Variants in SCD5 observed in about 807,000 individuals in gnomAD.
The protein encoded by SCD5 is stearoyl-CoA desaturase 5.
SCD5 carries 20 observed loss-of-function variants against 30.4 expected under a neutral mutation model. The observed-to-expected ratio is 0.66, with a 90% CI of 0.46 to 0.96. The LOEUF (loss-of-function observed/expected upper bound fraction) is 0.96. Ranked by LOEUF, SCD5 falls within the 40% of genes least tolerant of loss-of-function variation. The pLI is 0.00. For synonymous variants in SCD5, 173 were observed against 176.4 expected (o/e 0.98, Z 0.16); for missense variants, 381 against 443.3 (o/e 0.86, Z 1.26).
At position 82,798,476 on chromosome 4, in the gene SCD5, C is replaced by G. The variant is rs763231348; in HGVS notation, c.62G>C (p.Arg21Pro). Residue 21 changes from arginine to proline, a missense_variant, in exon 1 of 5, where the codon CGT becomes CCT. Physicochemically the swap from Arg to Pro is moderately radical, Grantham distance 103. Coordinates refer to ENST00000319540, the MANE Select transcript of SCD5 (RefSeq NM_001037582.3). ...IPFCDAKEEIRAGLESSEGGG... is the reference protein window; with the variant it reads ...IPFCDAKEEIPAGLESSEGGG... ...GCCCTCAGAGCTTTCGAGCCCGGCA[C>G]GGATTTCTTCCTTGGCGTCGCAGAA... The G allele has an allele frequency of 2.0e-5, 32 of 1,612,582 alleles. No individual in the cohort carries two copies. The highest frequency in any genetic ancestry group is 1.0e-4 in the Admixed American group (6 of 59,914).
At chr4:82,712,523 G>A (rs1438744936) in intron 1 of SCD5, among the ~76,000 whole-genome samples, 1 of 150,492 alleles carries the variant, frequency 6.6e-6, no homozygotes, top group Admixed American at 6.6e-5. Context: ...TCACCATGTT[G>A]GCCAGGCTAG....
intron 1 of SCD5, among the ~76,000 whole-genome samples, chr4:82,798,086 C>CGGGGG (rs34694654): frequency 1.6e-5 from 2 of 124,052 alleles, no homozygotes; most frequent in African/African-American, 7.2e-5. Flanking sequence ...GGGGTGGGGG[C>CGGGGG]GGGGGGGGGG....
intron 1 of SCD5, among the ~76,000 whole-genome samples, chr4:82,797,130 G>T (rs1002620655): frequency 6.6e-6 from 1 of 152,142 alleles, no homozygotes. Flanking sequence ...AACCATAGTG[G>T]CCCCATTATC....
chr4:82,684,983 A>G (rs540614759), intron 2 of SCD5, among the ~76,000 whole-genome samples: 2 of 152,340 alleles, frequency 1.3e-5, no homozygotes, highest in South Asian at 4.1e-4. Flanking sequence ...AAGCTTAGAT[A>G]CTTAAACATT....
intron 2 of SCD5, among the ~76,000 whole-genome samples, chr4:82,681,348 C>T (rs1728568403): frequency 6.6e-6 from 1 of 152,094 alleles, no homozygotes; most frequent in Non-Finnish European, 1.5e-5. Context: ...AGGATGATTC[C>T]ATGTTGCTAT....
intron 2 of SCD5, among the ~76,000 whole-genome samples, chr4:82,689,640 A>G (rs559400329): frequency 6.6e-6 from 1 of 152,378 alleles, no homozygotes; most frequent in Admixed American, 6.5e-5. Flanking sequence ...GAGTCAGGCA[A>G]GAATCCCCAA....
intron 1 of SCD5, among the ~76,000 whole-genome samples, chr4:82,739,777 G>A (rs908422225): frequency 6.6e-6 from 1 of 152,224 alleles, no homozygotes; most frequent in Non-Finnish European, 1.5e-5. Flanking sequence ...GAAAAGCCAC[G>A]ATGAAAACTT....
At chr4:82,743,315 G>A (rs966789995) in intron 1 of SCD5, among the ~76,000 whole-genome samples, 19 of 152,138 alleles carry the variant, frequency 1.2e-4, no homozygotes, top group African/African-American at 4.6e-4. Flanking sequence ...TTCAAGACCA[G>A]CCTGGGCAAC....
chr4:82,794,630 T>C (rs926135183), intron 1 of SCD5, among the ~76,000 whole-genome samples: 3 of 152,124 alleles, frequency 2.0e-5, no homozygotes, highest in East Asian at 1.9e-4. Flanking sequence ...TTTCCTCTAG[T>C]TGGAGTTTGC....
chr4:82,790,701 C>G (rs1005916988), intron 1 of SCD5, among the ~76,000 whole-genome samples: 3 of 152,144 alleles, frequency 2.0e-5, no homozygotes. Flanking sequence ...GGTGCCAGCG[C>G]TTGGCAGGTA....
At chr4:82,747,069 G>GGGCCCCCCCCC (rs1553918953) in intron 1 of SCD5, among the ~76,000 whole-genome samples, 1 of 139,698 alleles carries the variant, frequency 7.2e-6, no homozygotes, top group Non-Finnish European at 1.6e-5. Flanking sequence ...TGGGCAACCT[G>GGGCCCCCCCCC]CCCCCCAAGA....
chr4:82,650,396 TA>T (rs964568357), intron 3 of SCD5, among the ~76,000 whole-genome samples: 1 of 152,118 alleles, frequency 6.6e-6, no homozygotes, highest in Non-Finnish European at 1.5e-5. Flanking sequence ...CCTTTTACAT[TA>T]AAAAAATATT....
At chr4:82,755,334 T>C (rs1204135817) in intron 1 of SCD5, among the ~76,000 whole-genome samples, 1 of 152,078 alleles carries the variant, frequency 6.6e-6, no homozygotes, top group Non-Finnish European at 1.5e-5. Context: ...ACCCAGTGTC[T>C]ACTAAAAATA....
intron 2 of SCD5, among the ~76,000 whole-genome samples, chr4:82,687,588 G>A (rs375949666): frequency 3.3e-5 from 5 of 152,054 alleles, no homozygotes; most frequent in Admixed American, 6.5e-5. Flanking sequence ...CCAATCACAC[G>A]TCAAGTGGTG....
At chr4:82,636,523 A>G (rs1263665120) in intron 4 of SCD5, 68 bp downstream of exon 4, 11 of 1,273,200 alleles carry the variant, frequency 8.6e-6, no homozygotes, top group Admixed American at 2.0e-5. Context: ...TGATTCCACA[A>G]AACTACTGAG....
At chr4:82,720,244 A>G (rs1039224685) in intron 1 of SCD5, among the ~76,000 whole-genome samples, 4 of 151,916 alleles carry the variant, frequency 2.6e-5, no homozygotes, top group African/African-American at 9.7e-5. Flanking sequence ...CTTGGGCAAC[A>G]TAGTGAGACA....
intron 3 of SCD5, among the ~76,000 whole-genome samples, chr4:82,642,493 A>G (rs1452018319): frequency 6.6e-6 from 1 of 152,124 alleles, no homozygotes; most frequent in African/African-American, 2.4e-5. Flanking sequence ...AAACTGAACC[A>G]CATACTGTCC....
intron 1 of SCD5, among the ~76,000 whole-genome samples, chr4:82,778,374 G>A (rs2148850529): frequency 6.6e-6 from 1 of 152,328 alleles, no homozygotes; most frequent in East Asian, 1.9e-4. Context: ...CTACTGTAAT[G>A]AACTGTCACA....
intron 1 of SCD5, among the ~76,000 whole-genome samples, chr4:82,761,846 C>T (rs1324097521): frequency 6.6e-6 from 1 of 151,772 alleles, no homozygotes; most frequent in South Asian, 2.1e-4. Context: ...CGTTTCTAAT[C>T]TCTCTTCCAA....
Sources: gnomAD v4.1 joint callset for allele counts (sites outside exome capture counted in the v4.1 genomes callset) on GRCh38, gnomAD v4.1.1 for gene constraint, MANE v1.5 for transcripts, NCBI Gene and HGNC (gene_info 2026-07-23, HGNC 2026-07-21) for gene names.